Variants in KPNA4 observed in about 807,000 individuals in gnomAD.
KPNA4 encodes the protein karyopherin subunit alpha 4.
Under a neutral mutation model 71.3 loss-of-function variants are expected in KPNA4, and 13 were observed. The observed-to-expected ratio is 0.18, with a 90% CI of 0.12 to 0.29. KPNA4 has a LOEUF of 0.29. KPNA4 is among the 10% of genes least tolerant of loss of function. The pLI is 1.00. For missense variants in KPNA4, 334 were observed against 603.2 expected (o/e 0.55, Z 4.67); for synonymous variants, 189 against 195.2 (o/e 0.97, Z 0.26).
At chr3:160,541,650 C>CACACACACACAA (rs1721800573) in intron 1 of KPNA4, among the ~76,000 whole-genome samples, 1 of 34,046 alleles carries the variant, frequency 2.9e-5, no homozygotes, top group African/African-American at 2.6e-4. Context: ...TATATACGCG[C>CACACACACACAA]ACACACACAC....
chr3:160,531,330 T>C, intron 6 of KPNA4, 132 bp downstream of exon 6: 1 of 493,886 alleles, frequency 2.0e-6, no homozygotes, highest in Non-Finnish European at 3.5e-6. Context: ...GCACTGCTTT[T>C]CACTTTGACT....
intron 5 of KPNA4, 132 bp downstream of exon 5, chr3:160,535,381 G>T: frequency 1.9e-6 from 1 of 526,002 alleles, no homozygotes; most frequent in Non-Finnish European, 3.4e-6. Flanking sequence ...AAATTTAGTT[G>T]ATCTATTACT....
chr3:160,542,613 CTG>C (rs1721821644), intron 1 of KPNA4, among the ~76,000 whole-genome samples: 2 of 152,114 alleles, frequency 1.3e-5, no homozygotes, highest in Non-Finnish European at 2.9e-5. Flanking sequence ...AATTTTCAAT[CTG>C]TAGATTTATT....
intron 15 of KPNA4, 34 bp downstream of exon 15, chr3:160,508,073 T>G (rs1170287763): frequency 6.6e-7 from 1 of 1,523,404 alleles, no homozygotes. Context: ...AAGAGAACAT[T>G]AAGATGTGGA....
At chr3:160,557,711 G>A (rs1722169324) in intron 1 of KPNA4, among the ~76,000 whole-genome samples, 1 of 152,198 alleles carries the variant, frequency 6.6e-6, no homozygotes, top group Non-Finnish European at 1.5e-5. Flanking sequence ...CCTCATTCTT[G>A]TCACCCAGGC....
At chr3:160,526,988 T>C (rs1721473698) in intron 8 of KPNA4, among the ~76,000 whole-genome samples, 1 of 152,144 alleles carries the variant, frequency 6.6e-6, no homozygotes, top group South Asian at 2.1e-4. Flanking sequence ...TCAAGAATGG[T>C]TTACAGAGAA....
intron 1 of KPNA4, among the ~76,000 whole-genome samples, chr3:160,560,212 C>A (rs989281730): frequency 7.9e-5 from 12 of 152,238 alleles, no homozygotes; most frequent in Admixed American, 5.2e-4. Flanking sequence ...AAAGAACAGA[C>A]TCTGACACAC....
intron 1 of KPNA4, among the ~76,000 whole-genome samples, chr3:160,539,132 C>T (rs916805943): frequency 6.6e-6 from 1 of 152,184 alleles, no homozygotes; most frequent in African/African-American, 2.4e-5. Flanking sequence ...GAAGGCTTTT[C>T]CCTTCCTGAC....
intron 1 of KPNA4, among the ~76,000 whole-genome samples, chr3:160,549,479 C>T (rs1443485857): frequency 2.0e-5 from 3 of 152,104 alleles, no homozygotes; most frequent in Admixed American, 2.0e-4. Flanking sequence ...CAATTTCAGT[C>T]TTTTGCATGG....
chr3:160,556,803 T>C (rs1722146428), intron 1 of KPNA4, among the ~76,000 whole-genome samples: 1 of 152,140 alleles, frequency 6.6e-6, no homozygotes, highest in African/African-American at 2.4e-5. Context: ...TTCACAACAT[T>C]AAGAGAAAAA....
At chr3:160,510,706 A>G (rs189685097) in intron 13 of KPNA4, among the ~76,000 whole-genome samples, 32 of 152,298 alleles carry the variant, frequency 2.1e-4, no homozygotes, top group African/African-American at 7.7e-4. Flanking sequence ...AATTAGCCCT[A>G]TAATAGCAAA....
intron 1 of KPNA4, among the ~76,000 whole-genome samples, chr3:160,539,316 A>G (rs1721751924): frequency 6.6e-6 from 1 of 152,250 alleles, no homozygotes; most frequent in Non-Finnish European, 1.5e-5. Context: ...CTGCAAAATG[A>G]GTAAAAATAA....
chr3:160,537,529 T>C (rs1258319493), intron 1 of KPNA4, among the ~76,000 whole-genome samples: 2 of 151,480 alleles, frequency 1.3e-5, no homozygotes, highest in African/African-American at 4.9e-5. Flanking sequence ...CTGTAAAACA[T>C]TCAAATGTTC....
At chr3:160,556,342 T>A (rs1722136774) in intron 1 of KPNA4, among the ~76,000 whole-genome samples, 1 of 140,314 alleles carries the variant, frequency 7.1e-6, no homozygotes, top group African/African-American at 2.9e-5. Flanking sequence ...ATCAGGCATG[T>A]ATGAGGGTTC....
chr3:160,520,699 T>C (rs1189067047), intron 11 of KPNA4, among the ~76,000 whole-genome samples: 1 of 152,174 alleles, frequency 6.6e-6, no homozygotes, highest in Non-Finnish European at 1.5e-5. Context: ...TAAGAAATAT[T>C]TTCTGAAACA....
chr3:160,527,931 G>C, intron 8 of KPNA4, 22 bp downstream of exon 8: 1 of 1,554,908 alleles, frequency 6.4e-7, no homozygotes, highest in Non-Finnish European at 8.9e-7. Context: ...TTTTAGACTA[G>C]TATTACAAGT....
intron 7 of KPNA4, among the ~76,000 whole-genome samples, chr3:160,529,951 C>T (rs112608925): frequency 0.012 from 1,825 of 150,170 alleles, 20 homozygotes; most frequent in Middle Eastern, 0.021. Context: ...CTGGCTAACA[C>T]AGTGAAACCC....
chr3:160,541,496 G>A (rs990061731), intron 1 of KPNA4, among the ~76,000 whole-genome samples: 1 of 151,892 alleles, frequency 6.6e-6, no homozygotes, highest in Non-Finnish European at 1.5e-5. Flanking sequence ...AGGCACGAGA[G>A]ATCTTCTGTG....
chr3:160,530,742 G>A (rs774575800), intron 7 of KPNA4, 113 bp downstream of exon 7: 21 of 688,848 alleles, frequency 3.0e-5, no homozygotes, highest in Non-Finnish European at 5.2e-5. Context: ...CAATAACTAC[G>A]TAGTAGCTAT....
Sources: allele counts gnomAD v4.1 joint callset (sites outside exome capture counted in the v4.1 genomes callset), GRCh38; gene constraint gnomAD v4.1.1; transcripts MANE v1.5; gene names NCBI Gene and HGNC (gene_info 2026-07-23, HGNC 2026-07-21).